Variants in SERINC5 observed in about 807,000 individuals in gnomAD.
SERINC5 encodes chromosome 5 open reading frame 12.
Under a neutral mutation model 63.1 loss-of-function variants are expected in SERINC5, and 41 were observed. The ratio of observed to expected loss-of-function variants is 0.65; its 90% CI spans 0.51 to 0.84. The LOEUF is 0.84. Ranked by LOEUF, SERINC5 falls within the 40% of genes least tolerant of loss-of-function variation. SERINC5 has a pLI of 0.00. For synonymous variants in SERINC5, 222 were observed against 215.2 expected (o/e 1.03, Z -0.28); for missense variants, 523 against 573.0 (o/e 0.91, Z 0.89).
At chr5:80,198,418 A>G (rs1749635864) in intron 2 of SERINC5, 1 of 545,302 alleles carries the variant, frequency 1.8e-6, no homozygotes, top group Non-Finnish European at 2.3e-6. Context: ...TCAAACTTAA[A>G]CACAGGCCAC....
intron 2 of SERINC5, among the ~76,000 whole-genome samples, chr5:80,194,849 C>A (rs150318309): frequency 2.6e-5 from 4 of 152,286 alleles, no homozygotes; most frequent in Non-Finnish European, 5.9e-5. Context: ...ACTGGCCAGG[C>A]GACCAGCAGC....
chr5:80,181,329 C>T (rs138660050), intron 2 of SERINC5, among the ~76,000 whole-genome samples: 1 of 152,084 alleles, frequency 6.6e-6, no homozygotes, highest in Non-Finnish European at 1.5e-5. Context: ...TCACTGCAAC[C>T]GTCGCCTCCA....
chr5:80,160,172 T>C (rs1746792474), intron 7 of SERINC5, among the ~76,000 whole-genome samples: 1 of 152,180 alleles, frequency 6.6e-6, no homozygotes, highest in Non-Finnish European at 1.5e-5. Context: ...CGAATTGGAT[T>C]GGAGGACACC....
chr5:80,169,396 T>C lies in SERINC5; in HGVS notation c.702A>G (p.Gly234=). The C allele has an allele frequency of 6.2e-7, 1 of 1,613,984 alleles. No individual in the cohort carries two copies. The part of the protein sequence containing the change: ...DSCMENKILL[G]VNGGLCLLIS... ...TAAGCAGGCACAGGCCTCCATTTAC[T>C]CCCAGCAGAATTTTGTTTTCCATGC... Residue 234 remains glycine (G), a synonymous_variant, in exon 6 of 12, where the codon GGA becomes GGG. Transcript: ENST00000507668.
intron 11 of SERINC5, among the ~76,000 whole-genome samples, chr5:80,128,751 T>C (rs537353644): frequency 1.1e-4 from 16 of 152,350 alleles, no homozygotes; most frequent in African/African-American, 2.4e-4. Context: ...TCAATAAACA[T>C]TGGCTATCAT....
At position 80,129,445 on chromosome 5, in the gene SERINC5, A is replaced by C. The variant is rs1018568605; in HGVS notation, c.1239-15820T>G. ...CAGCCTTAAGAGCAGCTGGGATTAC[A>C]GGTGTGCATCACCATGCCTGGATAA... On this transcript the variant is annotated intron_variant, in intron 11 of 12. Coordinates refer to the SERINC5 transcript ENST00000509193. 2.0e-5 allele frequency among the ~76,000 whole-genome samples: 3 copies of C among 152,184 alleles called. No individual in the cohort carries two copies. The East Asian group carries it at 5.8e-4, about 29-fold the overall frequency.
chr5:80,138,975 C>G lies in SERINC5; in HGVS notation c.*4688G>C, dbSNP rs1745345033. 2 of 978,744 alleles carry G rather than the reference C, an allele frequency of 2.0e-6. No individual in the cohort carries two copies. The highest frequency in any genetic ancestry group is 2.4e-6 in the Non-Finnish European group (2 of 824,080). The allele number at this position is 978,744 out of a possible 1,614,324, so 60.6% of individuals were successfully genotyped here. A position where few individuals can be genotyped will look rare whatever the true frequency, so the allele number is the denominator to read the frequency against. ...AGGAAAAGCCTAGTCAATTCAGATG[C>G]TTTCTAGAAAAATTAACATTAAAAA... On this transcript the variant is annotated 3_prime_UTR_variant, in exon 12 of 12. Transcript: ENST00000507668.
Position 80,151,084 on chromosome 5 carries a change from A to T in SERINC5, c.987-136T>A. ...CGTTCAGGAGACTTAAATCAAAGCA[A>T]TCTATTTTAATACCTCTCCTTATTC... On this transcript the variant is annotated intron_variant, in intron 8 of 11. Coordinates refer to ENST00000507668, the MANE Select transcript of SERINC5 (RefSeq NM_001174072.3). 2.9e-6 allele frequency: 2 copies of T among 681,516 alleles called. 1 individual carries two copies. The highest frequency in any genetic ancestry group is 3.2e-5 in the South Asian group (2 of 62,636). The allele number at this position is 681,516 out of a possible 1,614,324, so 42.2% of individuals were successfully genotyped here.
intron 3 of SERINC5, 143 bp from the exon 4 acceptor site, chr5:80,177,540 T>A: frequency 1.4e-6 from 1 of 696,120 alleles, no homozygotes; most frequent in Non-Finnish European, 2.5e-6. Context: ...AGTAACTAGG[T>A]GACTTGAAGA....
chr5:80,113,151 T>C (rs1424061870), intron 12 of SERINC5, among the ~76,000 whole-genome samples: 2 of 152,206 alleles, frequency 1.3e-5, no homozygotes, highest in Non-Finnish European at 2.9e-5. Context: ...TTCCTTAGAA[T>C]AGGTTTCCAG....
chr5:80,146,147 TG>T lies in SERINC5; in HGVS notation c.1180del (p.His394ThrfsTer6). On this transcript the variant is annotated frameshift_variant, in exon 11 of 12. Coordinates refer to ENST00000507668, the MANE Select transcript of SERINC5 (RefSeq NM_001174072.3). LOFTEE classifies it high-confidence loss of function. Reference sequence around the variant, plus strand: ...CAGGGAAGCTAGGAAGAACACGAAGTGGAAGTAGGAGTAGATGTAGACGGTG... The same window carrying T: ...CAGGGAAGCTAGGAAGAACACGAAGTGAAGTAGGAGTAGATGTAGACGGTG... Reference protein sequence around the residue: ...KGTVYIYSYFHFVFFLASLYV... With the variant: ...KGTVYIYSYFXFVFFLASLYV... 6.2e-7 allele frequency: 1 copy of T among 1,614,016 alleles called. No homozygotes were observed. Among genetic ancestry groups the T allele is most frequent in the Non-Finnish European group, 8.5e-7 (1 of 1,179,862 alleles).
At chr5:80,237,815 T>C (rs894333451) in intron 1 of SERINC5, among the ~76,000 whole-genome samples, 2 of 150,614 alleles carry the variant, frequency 1.3e-5, no homozygotes, top group Non-Finnish European at 3.0e-5. Context: ...CCAAAAAATA[T>C]GCAATCGGCC....
rs182261942 is a variant in SERINC5 at position 80,194,714 on chromosome 5, T to C, written c.195+8172A>G. Among the ~76,000 whole-genome samples, 7 of 152,246 alleles carry C rather than the reference T, an allele frequency of 4.6e-5. No homozygotes were observed. In the East Asian group the frequency reaches 1.4e-3, roughly 29 times the overall value. ...GCGCTATTTCCAAAAGTAATACTTC[T>C]TACCACTGGGCCCAGAAGAAAGTCT... On this transcript the variant is annotated intron_variant, in intron 2 of 11. Transcript: ENST00000507668.
chr5:80,174,829 G>A (rs1442055329), intron 5 of SERINC5, 125 bp downstream of exon 5: 20 of 590,042 alleles, frequency 3.4e-5, no homozygotes, highest in Non-Finnish European at 6.1e-6. Context: ...AAATGAAGAG[G>A]TACAAAAAAG....
chr5:80,148,667 C>CA (rs559491306), intron 9 of SERINC5, among the ~76,000 whole-genome samples: 6,452 of 127,576 alleles, frequency 0.051, 184 homozygotes, highest in East Asian at 0.11. Flanking sequence ...GGCCCTGTCT[C>CA]AAAAAAAAAA....
At chr5:80,226,010 G>A (rs1453035506) in intron 1 of SERINC5, among the ~76,000 whole-genome samples, 2 of 151,004 alleles carry the variant, frequency 1.3e-5, no homozygotes, top group East Asian at 3.9e-4. Context: ...ACTCTAAGGT[G>A]CTTTCAAGAC....
In SERINC5 at chr5:80,143,209, G is replaced by C. The variant is rs1745615062; in HGVS notation, c.*454C>G. 6.1e-6 allele frequency: 6 copies of C among 988,454 alleles called. No individual in the cohort carries two copies. Among genetic ancestry groups the C allele is most frequent in the Non-Finnish European group, 7.2e-6 (6 of 832,034 alleles). 61.2% of individuals were successfully genotyped at this position (988,454 alleles called of 1,614,324 possible). ...GAGTCCTGTCCTCAAAGCCCCCTGG[G>C]GACAAGGCTCTAAGAGGCGGAAGTG... On this transcript the variant is annotated 3_prime_UTR_variant, in exon 12 of 12. Transcript: ENST00000507668.
chr5:80,252,296 G>A (rs1752464613), intron 1 of SERINC5, among the ~76,000 whole-genome samples: 1 of 152,086 alleles, frequency 6.6e-6, no homozygotes, highest in Admixed American at 6.5e-5. Flanking sequence ...CTGGCCTCAA[G>A]CGATCCACCT....
At chr5:80,154,599 C>A (rs1746406763) in intron 8 of SERINC5, among the ~76,000 whole-genome samples, 1 of 151,984 alleles carries the variant, frequency 6.6e-6, no homozygotes, top group Non-Finnish European at 1.5e-5. Context: ...TTTCCCCACC[C>A]CCCCATAAAG....
Sources: allele counts gnomAD v4.1 joint callset (sites outside exome capture counted in the v4.1 genomes callset), GRCh38; gene constraint gnomAD v4.1.1; transcripts MANE v1.5; gene names NCBI Gene and HGNC (gene_info 2026-07-23, HGNC 2026-07-21).